TNPO1: variants seen among roughly 807,000 people sequenced by gnomAD.
TNPO1 encodes transportin 1.
In TNPO1, 8 loss-of-function variants were observed where a neutral mutation model predicts 119.5. The observed-to-expected ratio is 0.07, with a 90% CI of 0.04 to 0.12. The LOEUF (loss-of-function observed/expected upper bound fraction) is 0.12. Among genes scored for constraint, TNPO1 ranks in the 10% least tolerant of loss-of-function variants. TNPO1 has a pLI of 1.00. For missense variants in TNPO1, 576 were observed against 1,089.8 expected, an observed-to-expected ratio of 0.53 and a Z score of 6.64; for synonymous variants, 362 against 363.0, an observed-to-expected ratio of 1.00 and a Z score of 0.03.
intron 20 of TNPO1, among the ~76,000 whole-genome samples, chr5:72,899,045 T>TTTTA (rs1749637664): frequency 6.6e-6 from 1 of 152,174 alleles, no homozygotes; most frequent in Non-Finnish European, 1.5e-5. Context: ...GTTGCACTTA[T>TTTTA]TTTAGCTCTT....
intron 24 of TNPO1, among the ~76,000 whole-genome samples, chr5:72,906,331 G>A (rs1311793965): frequency 1.3e-4 from 15 of 112,162 alleles, no homozygotes; most frequent in Non-Finnish European, 1.5e-4. Flanking sequence ...AGACTCTTTC[G>A]CCCAGGCTGG....
intron 13 of TNPO1, 34 bp downstream of exon 13, chr5:72,888,337 G>T (rs375335974): frequency 4.1e-5 from 65 of 1,583,842 alleles, no homozygotes; most frequent in Middle Eastern, 1.7e-4. Context: ...GTTCTTTGTG[G>T]CAGTGAAAAA....
chr5:72,828,392 A>G (rs781293193), intron 1 of TNPO1, among the ~76,000 whole-genome samples: 2 of 152,226 alleles, frequency 1.3e-5, no homozygotes, highest in Non-Finnish European at 2.9e-5. Context: ...ATATTATTTT[A>G]AATTAATTTT....
At chr5:72,874,999 G>C (rs1465102782) in intron 7 of TNPO1, among the ~76,000 whole-genome samples, 2 of 151,906 alleles carry the variant, frequency 1.3e-5, no homozygotes, top group East Asian at 3.9e-4. Context: ...CAGATCTTCT[G>C]CTGGTTATCA....
chr5:72,841,393 C>T (rs985771352), intron 1 of TNPO1, among the ~76,000 whole-genome samples: 1 of 152,150 alleles, frequency 6.6e-6, no homozygotes, highest in African/African-American at 2.4e-5. Context: ...TGCTGGAATA[C>T]AGGCGTGAGC....
At chr5:72,841,616 G>A (rs1454016488) in intron 1 of TNPO1, among the ~76,000 whole-genome samples, 1 of 152,086 alleles carries the variant, frequency 6.6e-6, no homozygotes, top group African/African-American at 2.4e-5. Context: ...TGGGATTACA[G>A]GAATGAGCCA....
rs1260463061 is a variant in TNPO1, at chr5:72,912,792, A to T, written c.*4119A>T. Reference sequence around the variant, plus strand: ...TTAGTCTAAATTTAAGTCCTTTGCCATGAGGAAAAAGTGGTTTTTTGCTTC... The same window carrying T: ...TTAGTCTAAATTTAAGTCCTTTGCCTTGAGGAAAAAGTGGTTTTTTGCTTC... On this transcript the variant is annotated 3_prime_UTR_variant, in exon 25 of 25. Transcript: ENST00000337273. 2 of 152,512 alleles carry T rather than the reference A, an allele frequency of 1.3e-5. No individual in the cohort carries two copies. The highest frequency in any genetic ancestry group is 2.4e-5 in the African/African-American group (1 of 41,456). 9.4% of individuals were successfully genotyped at this position (152,512 alleles called of 1,614,324 possible). A position where few individuals can be genotyped will look rare whatever the true frequency, so the allele number is the denominator to read the frequency against.
chr5:72,822,476 G>A (rs540863477), intron 1 of TNPO1, among the ~76,000 whole-genome samples: 56 of 152,154 alleles, frequency 3.7e-4, no homozygotes, highest in Admixed American at 1.6e-3. Flanking sequence ...AGAGAAACAC[G>A]TGAGTATATC....
In TNPO1 at chr5:72,841,605, C is replaced by T. The variant is rs190334751; in HGVS notation, c.16-6780C>T. Among the ~76,000 whole-genome samples, 305 of 152,026 alleles carry T rather than the reference C, an allele frequency of 2.0e-3. 3 individuals are homozygous for T. The highest frequency in any genetic ancestry group is 7.1e-3 in the African/African-American group (294 of 41,432). ...CCGCCCGCCTCGGCTTCCCAAAGTG[C>T]TGGGATTACAGGAATGAGCCACCGC... On this transcript the variant is annotated intron_variant, in intron 1 of 24. Transcript: ENST00000337273.
intron 1 of TNPO1, among the ~76,000 whole-genome samples, chr5:72,833,202 A>G (rs192440336): frequency 6.6e-6 from 1 of 152,330 alleles, no homozygotes; most frequent in Non-Finnish European, 1.5e-5. Flanking sequence ...GCAATATTAG[A>G]TAAAAATTCA....
At chr5:72,859,521 G>C (rs977622879) in intron 4 of TNPO1, among the ~76,000 whole-genome samples, 5 of 152,112 alleles carry the variant, frequency 3.3e-5, no homozygotes, top group African/African-American at 1.2e-4. Flanking sequence ...TAGACTAGCA[G>C]CTTTGGCTTT....
intron 18 of TNPO1, among the ~76,000 whole-genome samples, chr5:72,895,643 TA>T (rs1445752247): frequency 1.3e-5 from 2 of 152,338 alleles, no homozygotes; most frequent in African/African-American, 4.8e-5. Context: ...ATTAGGAGTT[TA>T]AAAAATTATG....
intron 1 of TNPO1, among the ~76,000 whole-genome samples, chr5:72,838,386 T>G (rs1406930204): frequency 1.3e-5 from 2 of 152,234 alleles, no homozygotes; most frequent in Admixed American, 1.3e-4. Context: ...TTTTTTTAAT[T>G]ATCAGCTTGG....
rs1367337532 is a variant in TNPO1, at chr5:72,865,437, CA to C, written c.463-146del. 2.0e-3 allele frequency among the ~76,000 whole-genome samples: 275 copies of C among 135,796 alleles called. 3 individuals are homozygous for C. The highest frequency in any genetic ancestry group is 6.2e-3 in the African/African-American group (229 of 36,852). 89.1% of individuals were successfully genotyped at this position (135,796 alleles called of 152,430 possible). Reference sequence around the variant, plus strand: ...TGGGCGACACACCAAGACTCCGTCTCAAAAAAAAAAAAATTGAAGGATTAAA... The same window carrying C: ...TGGGCGACACACCAAGACTCCGTCTCAAAAAAAAAAAATTGAAGGATTAAA... On this transcript the variant is annotated intron_variant, in intron 5 of 24. Transcript: ENST00000337273.
chr5:72,855,937 C>A lies in TNPO1; in HGVS notation c.355+14C>A, dbSNP rs1218171748. ...GAGCCACTGTTGGTAAGTTATATTA[C>A]AACAGTTTTGCTTACTTTGTTTGTA... On this transcript the variant is annotated intron_variant, in intron 4 of 24. Coordinates refer to ENST00000337273, the MANE Select transcript of TNPO1 (RefSeq NM_002270.4). 1 of 1,611,782 alleles carries A rather than the reference C, an allele frequency of 6.2e-7. No individual in the cohort carries two copies. Among genetic ancestry groups the A allele is most frequent in the Middle Eastern group, 1.7e-4 (1 of 6,036 alleles).
intron 1 of TNPO1, 57 bp from the exon 2 acceptor site, chr5:72,848,328 C>G (rs1745243712): frequency 6.5e-7 from 1 of 1,537,474 alleles, no homozygotes. Flanking sequence ...GCCTCTGGGC[C>G]TGTGCACCGG....
At chr5:72,886,165 G>A (rs1748612137) in intron 11 of TNPO1, among the ~76,000 whole-genome samples, 1 of 151,704 alleles carries the variant, frequency 6.6e-6, no homozygotes, top group Admixed American at 6.6e-5. Flanking sequence ...TATTTTTGTT[G>A]TTCTTTTTGA....
intron 24 of TNPO1, among the ~76,000 whole-genome samples, chr5:72,906,481 G>T (rs1750177992): frequency 6.6e-6 from 1 of 151,444 alleles, no homozygotes; most frequent in Non-Finnish European, 1.5e-5. Flanking sequence ...TAGTAGAGAT[G>T]GGGTTTCACC....
chr5:72,874,503 A>G lies in TNPO1; in HGVS notation c.679-1112A>G, dbSNP rs143255120. 3.6e-4 allele frequency among the ~76,000 whole-genome samples: 55 copies of G among 152,324 alleles called. 2 individuals are homozygous for G. In the East Asian group the frequency reaches 0.01, roughly 29 times the overall value. Reference sequence around the variant, plus strand: ...TAGAGTAAATTAATGAAATCTTTTAATAAAATTTAATGGAGGATGTACTGT... The same window carrying G: ...TAGAGTAAATTAATGAAATCTTTTAGTAAAATTTAATGGAGGATGTACTGT... On this transcript the variant is annotated intron_variant, in intron 7 of 24. Transcript: ENST00000337273.
Sources: gnomAD v4.1 joint callset for allele counts (sites outside exome capture counted in the v4.1 genomes callset) on GRCh38, gnomAD v4.1.1 for gene constraint, MANE v1.5 for transcripts, NCBI Gene and HGNC (gene_info 2026-07-23, HGNC 2026-07-21) for gene names.